NEDD9: variants seen among roughly 807,000 people sequenced by gnomAD.
The protein encoded by NEDD9 is neural precursor cell expressed, developmentally down-regulated 9.
A neutral mutation model predicts 76.6 loss-of-function variants in NEDD9; 26 were observed. The ratio of observed to expected loss-of-function variants is 0.34; its 90% CI spans 0.25 to 0.47. The LOEUF (loss-of-function observed/expected upper bound fraction) is 0.47, where lower values mean the gene tolerates loss of function less well. Ranked by LOEUF, NEDD9 falls within the 20% of genes least tolerant of loss-of-function variation. The probability of loss-of-function intolerance (pLI) is 1.00; values close to 1 mark genes in which losing one functional copy is unlikely to be tolerated. For missense variants in NEDD9, 937 were observed against 1,058.5 expected, an observed-to-expected ratio of 0.89 and a Z score of 1.59; for synonymous variants, 392 against 414.2, an observed-to-expected ratio of 0.95 and a Z score of 0.65.
At chr6:11,246,152 G>T (rs1041129958) in intron 3 of NEDD9, among the ~76,000 whole-genome samples, 1 of 152,182 alleles carries the variant, frequency 6.6e-6, no homozygotes, top group African/African-American at 2.4e-5. Context: ...AAGGATAAAA[G>T]AATGTCATGG....
chr6:11,218,020 T>C (rs1581963788), intron 1 of NEDD9, among the ~76,000 whole-genome samples: 1 of 152,256 alleles, frequency 6.6e-6, no homozygotes, highest in East Asian at 1.9e-4. Flanking sequence ...CAAAGAGATT[T>C]GTCCTTTGCA....
rs148368565 is a variant in NEDD9 at position 11,201,030 on chromosome 6, C to T, written c.460-7338G>A. The T allele has an allele frequency of 7.6e-5, 123 of 1,614,194 alleles. No homozygotes were observed. The African/African-American group carries it at 1.4e-3, about 19-fold the overall frequency. ...TCTCACTAAGAAATAGGACACTTGC[C>T]CATCTCTCTGGAACACCTAGAGACA... is the stretch of plus-strand genomic sequence containing the variant. On this transcript the variant is annotated intron_variant, in intron 2 of 6. Transcript: ENST00000379446.
chr6:11,292,764 G>A (rs1760805326), intron 3 of NEDD9, among the ~76,000 whole-genome samples: 1 of 152,214 alleles, frequency 6.6e-6, no homozygotes, highest in Non-Finnish European at 1.5e-5. Context: ...GTGATGTGCA[G>A]ATGTACATCC....
intron 3 of NEDD9, among the ~76,000 whole-genome samples, chr6:11,303,436 A>T (rs1006915335): frequency 9.2e-5 from 14 of 152,388 alleles, no homozygotes; most frequent in African/African-American, 3.4e-4. Flanking sequence ...AAACGTCCAT[A>T]CTTTCCAAGG....
rs1758354019 is a variant in NEDD9, at chr6:11,198,820, G to A, written c.460-5128C>T. 1 of 152,274 alleles carries A rather than the reference G, an allele frequency of 6.6e-6. No individual in the cohort carries two copies. Among genetic ancestry groups the A allele is most frequent in the East Asian group, 1.9e-4 (1 of 5,202 alleles). The allele number at this position is 152,274 out of a possible 1,614,324, so 9.4% of individuals were successfully genotyped here. A position where few individuals can be genotyped will look rare whatever the true frequency, so the allele number is the denominator to read the frequency against. The stretch of plus-strand genomic sequence containing the variant: ...CACTACAGAATAAGCTTGGTTTCCA[G>A]GTAAGCCAGCTCTGGGTTAAGTAGA... On this transcript the variant is annotated intron_variant, in intron 2 of 6. Transcript: ENST00000379446. The surrounding 1 kb of genome is among the most constrained non-coding windows in gnomAD (Gnocchi z 4.7).
intron 1 of NEDD9, among the ~76,000 whole-genome samples, chr6:11,220,294 G>A (rs992779090): frequency 1.3e-5 from 2 of 152,128 alleles, no homozygotes; most frequent in Non-Finnish European, 2.9e-5. Context: ...CAGTTACAAA[G>A]CTTATAGGAG....
intron 2 of NEDD9, among the ~76,000 whole-genome samples, chr6:11,319,611 TCACACTCACACACA>T (rs1363018118): frequency 5.6e-5 from 5 of 89,524 alleles, no homozygotes; most frequent in South Asian, 4.1e-4. Context: ...CCATGCACAC[TCACACTCACACACA>T]CACACACTAA....
chr6:11,338,456 T>C (rs1409490639), intron 1 of NEDD9, among the ~76,000 whole-genome samples: 3 of 152,178 alleles, frequency 2.0e-5, no homozygotes, highest in African/African-American at 4.8e-5. Flanking sequence ...GTTTTTGTTT[T>C]TTAACAACAG....
At chr6:11,365,068 C>A (rs868328148) in intron 1 of NEDD9, among the ~76,000 whole-genome samples, 2 of 152,134 alleles carry the variant, frequency 1.3e-5, no homozygotes, top group Non-Finnish European at 2.9e-5. Flanking sequence ...GGGAGCTCTT[C>A]TCATGATGGC....
chr6:11,378,402 C>G (rs1213748538), intron 1 of NEDD9, among the ~76,000 whole-genome samples: 1 of 152,144 alleles, frequency 6.6e-6, no homozygotes, highest in South Asian at 2.1e-4. Context: ...TCCTATACAG[C>G]CTGCAGAACC....
intron 2 of NEDD9, among the ~76,000 whole-genome samples, chr6:11,324,537 T>C (rs1264637730): frequency 6.6e-6 from 1 of 152,200 alleles, no homozygotes; most frequent in African/African-American, 2.4e-5. Context: ...GGTTTCATGC[T>C]CTGCGGCCAC....
rs942251917 is a variant in NEDD9, at chr6:11,266,726, G to A, written c.12+39266C>T. Among the ~76,000 whole-genome samples, 5 of 152,216 alleles carry A rather than the reference G, an allele frequency of 3.3e-5. No homozygotes were observed. The South Asian group carries it at 1.0e-3, about 31-fold the overall frequency. On this transcript the variant is annotated intron_variant, in intron 3 of 3. Coordinates refer to the NEDD9 transcript ENST00000397378. ...AGTGGTCTGAGTCTAAGCCAGGATA[G>A]TTGTAGTTTCCAATGGTACCTTCAG...
chr6:11,305,614 A>G (rs1761164001), intron 3 of NEDD9, among the ~76,000 whole-genome samples: 1 of 152,240 alleles, frequency 6.6e-6, no homozygotes, highest in Admixed American at 6.5e-5. Context: ...TGGCAAACAG[A>G]GAAACAAGGC....
chr6:11,335,673 T>A (rs955643315), intron 1 of NEDD9, among the ~76,000 whole-genome samples: 1 of 152,232 alleles, frequency 6.6e-6, no homozygotes, highest in Non-Finnish European at 1.5e-5. Flanking sequence ...CAAGTGTTCA[T>A]TGAATCCCAA....
At chr6:11,308,036 C>G (rs1416199371) in intron 2 of NEDD9, among the ~76,000 whole-genome samples, 1 of 152,172 alleles carries the variant, frequency 6.6e-6, no homozygotes, top group Non-Finnish European at 1.5e-5. Context: ...CCTGTTCAGA[C>G]GATTCCAAAC....
chr6:11,246,253 C>T (rs1204115589), intron 3 of NEDD9, among the ~76,000 whole-genome samples: 6 of 152,186 alleles, frequency 3.9e-5, no homozygotes, highest in South Asian at 4.1e-4. Flanking sequence ...TGTACTGGCT[C>T]GGGGCCTGGC....
chr6:11,207,560 T>C (rs544683856), intron 2 of NEDD9: 87 of 152,320 alleles, frequency 5.7e-4, no homozygotes, highest in African/African-American at 2.0e-3. Flanking sequence ...TTAAAGATGA[T>C]GTCATAGGAT....
At chr6:11,322,800 G>A (rs1354002894) in intron 2 of NEDD9, among the ~76,000 whole-genome samples, 17 of 152,280 alleles carry the variant, frequency 1.1e-4, no homozygotes, top group Non-Finnish European at 7.4e-5. Flanking sequence ...CTCTAGGGGC[G>A]AGGCCTGGGG....
At chr6:11,239,167 TA>T (rs1759662202) in intron 3 of NEDD9, among the ~76,000 whole-genome samples, 1 of 151,814 alleles carries the variant, frequency 6.6e-6, no homozygotes, top group East Asian at 2.0e-4. Flanking sequence ...ACCCTGTCTC[TA>T]AAAAAATAAA....
Sources: gnomAD v4.1 joint callset for allele counts (sites outside exome capture counted in the v4.1 genomes callset) on GRCh38, gnomAD v4.1.1 for gene constraint, Gnocchi (gnomAD v3.1) non-coding constraint, MANE v1.5 for transcripts, NCBI Gene and HGNC (gene_info 2026-07-23, HGNC 2026-07-21) for gene names.